GJA8: variants seen among roughly 807,000 people sequenced by gnomAD.
GJA8 encodes the protein gap junction alpha-8 protein.
A neutral mutation model predicts 15.3 loss-of-function variants in GJA8; 13 were observed. The observed-to-expected ratio is 0.85, with a 90% confidence interval of 0.55 to 1.35. The LOEUF (loss-of-function observed/expected upper bound fraction) is 1.35. Among genes scored for constraint, GJA8 ranks in the 40% most tolerant of loss-of-function variants. GJA8 has a pLI of 0.00. For synonymous variants in GJA8, 304 were observed against 238.7 expected, an observed-to-expected ratio of 1.27 and a Z score of -2.52; for missense variants, 607 against 553.3, an observed-to-expected ratio of 1.10 and a Z score of -0.97.
rs371709557 is a variant in GJA8, at chr1:147,908,347, A to G, written c.392A>G (p.Lys131Arg). ...GGCCCGGACCAGGGCAGCGTCAAGAAGAGCAGCGGCAGCAAAGGCACTAAG... is the reference window on the plus strand; with the variant it reads ...GGCCCGGACCAGGGCAGCGTCAAGAGGAGCAGCGGCAGCAAAGGCACTAAG... Reference protein sequence around the residue: ...NGGPDQGSVKKSSGSKGTKKF... With the variant: ...NGGPDQGSVKRSSGSKGTKKF... The change falls in exon 2 of 2, where the codon AAG becomes AGG. Residue 131 changes from lysine (K) to arginine (R), a missense_variant. Lys to Arg is a conservative substitution (Grantham distance 26). Coordinates refer to ENST00000369235, the MANE Select transcript of GJA8 (RefSeq NM_005267.5). 7.8e-5 allele frequency: 126 copies of G among 1,614,228 alleles called. No individual in the cohort carries two copies. Among genetic ancestry groups the G allele is most frequent in the Middle Eastern group, 6.6e-4 (4 of 6,062 alleles).
chr1:147,910,516 G>A (rs1296997291), downstream of GJA8, among the ~76,000 whole-genome samples: 1 of 152,158 alleles, frequency 6.6e-6, no homozygotes, highest in Non-Finnish European at 1.5e-5. Flanking sequence ...TCTGCCCTGG[G>A]TACCATCAGA....
rs782039098 is a variant in GJA8 at position 147,909,050 on chromosome 1, C to T, written c.1095C>T (p.Ala365=). Residue 365 remains alanine, a synonymous_variant, in exon 2 of 2, where the codon GCC becomes GCT. Transcript: ENST00000369235. ...RLTTEEQEKV[A]VPEGEKVETP... ...CCACGGAGGAGCAGGAGAAGGTGGC[C>T]GTGCCAGAGGGGGAGAAAGTAGAGA... The T allele has an allele frequency of 2.6e-5, 41 of 1,600,282 alleles. No homozygotes were observed. The highest frequency in any genetic ancestry group is 1.7e-4 in the Middle Eastern group (1 of 5,902).
Position 147,908,653 on chromosome 1 carries a change from G to C in GJA8, c.698G>C (p.Arg233Pro), listed in dbSNP as rs782099937. The C allele has an allele frequency of 1.9e-6, 3 of 1,614,122 alleles. No individual in the cohort carries two copies. The highest frequency in any genetic ancestry group is 3.3e-5 in the Admixed American group (2 of 60,014). Residue 233 changes from arginine (R) to proline (P), a missense_variant, in exon 2 of 2, where the codon CGG (arginine) becomes CCG (proline). By Grantham distance (103) the Arg-to-Pro change is moderately radical. Coordinates refer to ENST00000369235, the MANE Select transcript of GJA8 (RefSeq NM_005267.5). ...GGCCACCTGGGCCTGAAGGGGATCC[G>C]GTCTGCCTTGAAGAGGCCTGTAGAG... ...ELGHLGLKGI[R>P]SALKRPVEQP...
rs147752742 is a variant in GJA8 at position 147,906,577 on chromosome 1, G to A, written c.-11-1368G>A. 5.9e-3 allele frequency among the ~76,000 whole-genome samples: 893 copies of A among 152,228 alleles called. 7 individuals carry two copies. Among genetic ancestry groups the A allele is most frequent in the African/African-American group, 0.02 (839 of 41,536 alleles). ...TGTCCTAGAAGACCTTCCTCATCCTGTGACATGATTCCTTCCCAAAGCATT... is the reference window on the plus strand; with the variant it reads ...TGTCCTAGAAGACCTTCCTCATCCTATGACATGATTCCTTCCCAAAGCATT... On this transcript the variant is annotated intron_variant, in intron 1 of 1. Transcript: ENST00000369235.
intron 1 of GJA8, among the ~76,000 whole-genome samples, chr1:147,906,461 A>G (rs1651801576): frequency 6.6e-6 from 1 of 152,138 alleles, no homozygotes; most frequent in Admixed American, 6.5e-5. Flanking sequence ...ATGTTTAACG[A>G]TATTTTTTCT....
rs56033018 is a variant in GJA8 at position 147,903,934 on chromosome 1, C to CTTT, written c.-12+1086_-12+1088dup. Among the ~76,000 whole-genome samples, 304 of 134,596 alleles carry CTTT rather than the reference C, an allele frequency of 2.3e-3. 13 individuals are homozygous for CTTT. Among genetic ancestry groups the CTTT allele is most frequent in the African/African-American group, 7.5e-3 (270 of 35,868 alleles). 88.3% of individuals were successfully genotyped at this position (134,596 alleles called of 152,430 possible). Reference sequence around the variant, plus strand: ...AGTTGTAGTTAGTAATTTAATAACTCTTTTTTTTTTTTTTTGAGACAGAGT... The same window carrying CTTT: ...AGTTGTAGTTAGTAATTTAATAACTCTTTTTTTTTTTTTTTTTTGAGACAGAGT... On this transcript the variant is annotated intron_variant, in intron 1 of 1. Transcript: ENST00000369235.
At chr1:147,911,058 C>T (rs1553243401), downstream of GJA8, among the ~76,000 whole-genome samples, 2 of 152,146 alleles carry the variant, frequency 1.3e-5, no homozygotes, top group Admixed American at 6.5e-5. Flanking sequence ...AGATGGTTCA[C>T]CTAAAGCAAC....
rs150084611 is a variant in GJA8 at position 147,909,103 on chromosome 1, A to G, written c.1148A>G (p.Lys383Arg). The change falls in exon 2 of 2, where the codon AAA becomes AGA. Residue 383 changes from lysine (K) to arginine (R), a missense_variant. Lys to Arg is a conservative substitution (Grantham distance 26). Transcript: ENST00000369235. ...ETPGVDKEGEKEEPQSEKVSK... is the reference protein window; with the variant it reads ...ETPGVDKEGEREEPQSEKVSK... The stretch of plus-strand genomic sequence containing the variant: ...CCCGGAGTGGATAAGGAGGGTGAAA[A>G]AGAAGAGCCGCAGTCGGAGAAGGTG... The G allele has an allele frequency of 1.7e-5, 27 of 1,613,254 alleles. No individual in the cohort carries two copies. In the African/African-American group the frequency reaches 3.5e-4, roughly 21 times the overall value.
In GJA8 at chr1:147,908,734, T is replaced by C; in HGVS notation, c.779T>C (p.Ile260Thr). 6.2e-7 allele frequency: 1 copy of C among 1,614,068 alleles called. No homozygotes were observed. Among genetic ancestry groups the C allele is most frequent in the Non-Finnish European group, 8.5e-7 (1 of 1,179,980 alleles). Residue 260 changes from isoleucine to threonine, a missense_variant, in exon 2 of 2, where the codon ATC becomes ACC. Coordinates refer to ENST00000369235, the MANE Select transcript of GJA8 (RefSeq NM_005267.5). ...CTCCACTCCATTGCTGTCTCCTCCA[T>C]CCAGAAAGCCAAGGGCTATCAGCTC... ...KSLHSIAVSS[I>T]QKAKGYQLLE...
chr1:147,904,353 T>C (rs1163670434), intron 1 of GJA8, among the ~76,000 whole-genome samples: 1 of 152,184 alleles, frequency 6.6e-6, no homozygotes, highest in East Asian at 1.9e-4. Flanking sequence ...ACCACTGGCC[T>C]AGTTCACAGC....
the GJA8 span, among the ~76,000 whole-genome samples, chr1:147,914,351 G>C: frequency 6.6e-6 from 1 of 152,148 alleles, no homozygotes; most frequent in South Asian, 2.1e-4. Flanking sequence ...AAACTTCCTG[G>C]GGAAATCTCT....
At chr1:147,909,368 T>A (rs587670745), downstream of GJA8, 421 of 849,106 alleles carry the variant, frequency 5.0e-4, 2 homozygotes, top group South Asian at 6.0e-3. Context: ...CACCAGCCTC[T>A]GGTTGGACAG....
In GJA8 at chr1:147,905,206, A is replaced by C. The variant is rs75796214; in HGVS notation, c.-12+2345A>C. 3.6e-3 allele frequency among the ~76,000 whole-genome samples: 549 copies of C among 152,328 alleles called. 18 individuals carry two copies. The East Asian group carries it at 0.084, about 23-fold the overall frequency. On this transcript the variant is annotated intron_variant, in intron 1 of 1. Coordinates refer to ENST00000369235, the MANE Select transcript of GJA8 (RefSeq NM_005267.5). ...CAGGAATTTGGGGATTGAGAATTTCAGATTTCACAAGGATTACTATTAGAA... is the reference window on the plus strand; with the variant it reads ...CAGGAATTTGGGGATTGAGAATTTCCGATTTCACAAGGATTACTATTAGAA...
downstream of GJA8, among the ~76,000 whole-genome samples, chr1:147,912,909 A>T: frequency 6.6e-6 from 1 of 151,772 alleles, no homozygotes; most frequent in East Asian, 1.9e-4. Flanking sequence ...AAAAAAAAAA[A>T]AAAAAAGAAA....
chr1:147,904,541 G>C (rs191626814), intron 1 of GJA8, among the ~76,000 whole-genome samples: 136 of 152,266 alleles, frequency 8.9e-4, no homozygotes, highest in African/African-American at 3.2e-3. Context: ...TTTTCCATCT[G>C]TAATAGGTCT....
At chr1:147,909,379 G>A, downstream of GJA8, 24 of 776,190 alleles carry the variant, frequency 3.1e-5, no homozygotes, top group South Asian at 3.4e-4. Context: ...GGTTGGACAG[G>A]CACTGCAGCA....
chr1:147,912,248 G>T (rs1488793044), downstream of GJA8, among the ~76,000 whole-genome samples: 6 of 152,186 alleles, frequency 3.9e-5, no homozygotes, highest in African/African-American at 1.2e-4. Flanking sequence ...ACAGCAGTAA[G>T]ACTGGGAAGA....
At chr1:147,909,940 G>C (rs890629085), downstream of GJA8, among the ~76,000 whole-genome samples, 3 of 152,086 alleles carry the variant, frequency 2.0e-5, no homozygotes, top group Non-Finnish European at 4.4e-5. Flanking sequence ...GCTCACTGCA[G>C]CCTCAACCTC....
In GJA8 at chr1:147,909,134, G is replaced by A; in HGVS notation, c.1179G>A (p.Lys393=). The change falls in exon 2 of 2, where the codon AAG becomes AAA. Residue 393 remains lysine (K), a synonymous_variant. Coordinates refer to ENST00000369235, the MANE Select transcript of GJA8 (RefSeq NM_005267.5). ...AGCCGCAGTCGGAGAAGGTGTCAAAGCAAGGGCTGCCAGCTGAGAAGACAC... is the reference window on the plus strand; with the variant it reads ...AGCCGCAGTCGGAGAAGGTGTCAAAACAAGGGCTGCCAGCTGAGAAGACAC... ...KEEPQSEKVS[K]QGLPAEKTPS... 3.7e-6 allele frequency: 6 copies of A among 1,614,068 alleles called. No homozygotes were observed. In the Admixed American group the frequency reaches 1.0e-4, roughly 27 times the overall value.
Sources: allele counts gnomAD v4.1 joint callset (sites outside exome capture counted in the v4.1 genomes callset), GRCh38; gene constraint gnomAD v4.1.1; transcripts MANE v1.5; gene names NCBI Gene and HGNC (gene_info 2026-07-23, HGNC 2026-07-21).